The following RCOR1 variants were observed in gnomAD, a reference collection of about 807,000 sequenced individuals.
The protein encoded by RCOR1 is REST corepressor.
In RCOR1, 12 loss-of-function variants were observed where a neutral mutation model predicts 64.0. The observed-to-expected ratio is 0.19, with a 90% CI of 0.12 to 0.30. The LOEUF (loss-of-function observed/expected upper bound fraction) is 0.30, where lower values mean the gene tolerates loss of function less well. Ranked by LOEUF, RCOR1 falls within the 10% of genes least tolerant of loss-of-function variation. RCOR1 has a pLI of 1.00. For synonymous variants in RCOR1, 279 were observed against 227.2 expected (o/e 1.23, Z -2.05); for missense variants, 502 against 621.2 (o/e 0.81, Z 2.04).
intron 3 of RCOR1, among the ~76,000 whole-genome samples, chr14:102,689,884 C>T (rs1175616848): frequency 6.6e-6 from 1 of 152,114 alleles, no homozygotes; most frequent in African/African-American, 2.4e-5. Context: ...GCTGGAATTA[C>T]AGGCACCCGC....
intron 2 of RCOR1, among the ~76,000 whole-genome samples, chr14:102,607,592 G>T (rs1893539157): frequency 6.6e-6 from 1 of 151,848 alleles, no homozygotes; most frequent in African/African-American, 2.4e-5. Context: ...ACTAAAAATA[G>T]AAAAAAGCTA....
rs1567442108 is a variant in RCOR1 at position 102,706,136 on chromosome 14, A to AAAAAAAC, written c.499-1214_499-1208dup. Among the ~76,000 whole-genome samples, 111 of 148,974 alleles carry AAAAAAAC rather than the reference A, an allele frequency of 7.5e-4. 3 individuals carry two copies. The highest frequency in any genetic ancestry group is 2.7e-3 in the African/African-American group (106 of 39,828). On this transcript the variant is annotated intron_variant, in intron 4 of 11. Coordinates refer to ENST00000262241, the MANE Select transcript of RCOR1 (RefSeq NM_015156.4). Reference sequence around the variant, plus strand: ...TCTCAAAAAAAAAAAAAAAAAAAAAAAAAAAACCTAAAAAAACAGTAATTC... The same window carrying AAAAAAAC: ...TCTCAAAAAAAAAAAAAAAAAAAAAAAAAAAACAAAAAACCTAAAAAAACAGTAATTC...
chr14:102,712,391 T>C (rs561602239), intron 7 of RCOR1, among the ~76,000 whole-genome samples: 1 of 152,138 alleles, frequency 6.6e-6, no homozygotes, highest in South Asian at 2.1e-4. Context: ...GGTTTCATCA[T>C]GTTGGCCAGG....
intron 3 of RCOR1, among the ~76,000 whole-genome samples, chr14:102,683,897 G>A (rs1249112384): frequency 6.6e-6 from 1 of 152,232 alleles, no homozygotes; most frequent in African/African-American, 2.4e-5. Flanking sequence ...GGGGGCTGGG[G>A]CTGCACCCTC....
At chr14:102,723,063 G>A (rs1896193851) in intron 11 of RCOR1, among the ~76,000 whole-genome samples, 1 of 152,218 alleles carries the variant, frequency 6.6e-6, no homozygotes, top group Non-Finnish European at 1.5e-5. Flanking sequence ...GGCCTGCCTT[G>A]CTGTTACATT....
chr14:102,601,259 C>A (rs952711593), intron 2 of RCOR1, among the ~76,000 whole-genome samples: 3 of 151,954 alleles, frequency 2.0e-5, no homozygotes, highest in Non-Finnish European at 2.9e-5. Flanking sequence ...GTGATTGACC[C>A]GCCTTGGCCT....
In RCOR1 at chr14:102,632,611, A is replaced by ATCCTTTCCTT. The variant is rs201997281; in HGVS notation, c.361+39348_361+39357dup. On this transcript the variant is annotated intron_variant, in intron 2 of 11. Coordinates refer to ENST00000262241, the MANE Select transcript of RCOR1 (RefSeq NM_015156.4). ...TCAAGACTGATTTTGACTGCATGCT[A>ATCCTTTCCTT]TCCTTTCCTTTCCTTTCCTTTCCTT... Among the ~76,000 whole-genome samples, 310 of 107,962 alleles carry ATCCTTTCCTT rather than the reference A, an allele frequency of 2.9e-3. 4 individuals are homozygous for ATCCTTTCCTT. The highest frequency in any genetic ancestry group is 7.5e-3 in the African/African-American group (192 of 25,604). The allele number at this position is 107,962 out of a possible 152,430, so 70.8% of individuals were successfully genotyped here. A position where few individuals can be genotyped will look rare whatever the true frequency, so the allele number is the denominator to read the frequency against.
chr14:102,701,419 C>G (rs1388569522), intron 4 of RCOR1, 89 bp downstream of exon 4: 1 of 1,016,250 alleles, frequency 9.8e-7, no homozygotes, highest in Admixed American at 2.9e-5. Context: ...TATTGAGTAG[C>G]AGTGTTTCTT....
intron 4 of RCOR1, among the ~76,000 whole-genome samples, chr14:102,702,277 A>G (rs1055001574): frequency 1.3e-5 from 2 of 152,084 alleles, no homozygotes; most frequent in South Asian, 2.1e-4. Flanking sequence ...TGCAAAATAT[A>G]CCTGTATGAA....
At chr14:102,643,369 AG>A in intron 2 of RCOR1, 2 of 944,976 alleles carry the variant, frequency 2.1e-6, no homozygotes, top group Non-Finnish European at 2.5e-6. Context: ...AAAAACATTG[AG>A]ATTTGGAATG....
intron 2 of RCOR1, among the ~76,000 whole-genome samples, chr14:102,601,129 C>T (rs1259846217): frequency 6.6e-6 from 1 of 152,032 alleles, no homozygotes; most frequent in Non-Finnish European, 1.5e-5. Context: ...GCAAAGGTTG[C>T]AGTGAGCGTA....
rs773599590 is a variant in RCOR1 at position 102,729,613 on chromosome 14, G to A, written c.*3107G>A. The A allele has an allele frequency of 2.7e-6, 1 of 374,864 alleles. No individual in the cohort carries two copies. Among genetic ancestry groups the A allele is most frequent in the Non-Finnish European group, 4.7e-6 (1 of 211,342 alleles). The allele number at this position is 374,864 out of a possible 1,614,324, so 23.2% of individuals were successfully genotyped here. A position where few individuals can be genotyped will look rare whatever the true frequency, so the allele number is the denominator to read the frequency against. On this transcript the variant is annotated 3_prime_UTR_variant, in exon 12 of 12. Transcript: ENST00000262241. ...GTTAGTTGGGTTGTAACAGCTTACT[G>A]GGGTGGACTCATAAAACAGTGGCTT...
chr14:102,680,012 C>T (rs900897194), intron 2 of RCOR1, among the ~76,000 whole-genome samples: 1 of 152,140 alleles, frequency 6.6e-6, no homozygotes, highest in African/African-American at 2.4e-5. Context: ...GGGAAGAATG[C>T]CTTCTTAATA....
At position 102,593,165 on chromosome 14, in the gene RCOR1, C is replaced by A; in HGVS notation, c.279C>A (p.Gly93=). The A allele has an allele frequency of 1.3e-6, 2 of 1,524,108 alleles. No individual in the cohort carries two copies. Among genetic ancestry groups the A allele is most frequent in the Admixed American group, 4.4e-5 (2 of 45,186 alleles). The allele number at this position is 1,524,108 out of a possible 1,614,324, so 94.4% of individuals were successfully genotyped here. ...ACTCCTGGGAGGAAGGCAGCTCGGG[C>A]TCGTCCAGCGACGAGGAGCACGGTA... ...SSNSWEEGSS[G]SSSDEEHGGG... Residue 93 remains glycine (G), a synonymous_variant, in exon 1 of 12, where the codon GGC becomes GGA. Coordinates refer to ENST00000262241, the MANE Select transcript of RCOR1 (RefSeq NM_015156.4).
At chr14:102,629,449 C>A (rs563461097) in intron 2 of RCOR1, among the ~76,000 whole-genome samples, 16 of 151,736 alleles carry the variant, frequency 1.1e-4, no homozygotes, top group African/African-American at 3.9e-4. Context: ...GCCTCCCCCC[C>A]CCCCACCACT....
intron 2 of RCOR1, among the ~76,000 whole-genome samples, chr14:102,664,385 G>C (rs987444094): frequency 6.6e-5 from 10 of 152,178 alleles, no homozygotes; most frequent in African/African-American, 2.4e-4. Context: ...AAAGTGCTGG[G>C]ATTACAGGTA....
In RCOR1 at chr14:102,707,840, G is replaced by A. The variant is rs148138037; in HGVS notation, c.660+328G>A. Among the ~76,000 whole-genome samples the A allele has an allele frequency of 8.2e-3, 1,251 of 151,822 alleles. 13 individuals carry two copies. Among genetic ancestry groups the A allele is most frequent in the African/African-American group, 0.028 (1,160 of 41,374 alleles). On this transcript the variant is annotated intron_variant, in intron 5 of 11. Coordinates refer to ENST00000262241, the MANE Select transcript of RCOR1 (RefSeq NM_015156.4). ...AGTCTCGCTCTATCACCAGGCTGGA[G>A]TGCAGTGGCATGATCTTGGCTCACT...
chr14:102,675,729 T>A (rs1038385924), intron 2 of RCOR1, among the ~76,000 whole-genome samples: 2 of 152,142 alleles, frequency 1.3e-5, no homozygotes, highest in Non-Finnish European at 2.9e-5. Context: ...CCACCACAAT[T>A]AGGATACCAA....
chr14:102,691,432 G>GC (rs1895531471), intron 3 of RCOR1, among the ~76,000 whole-genome samples: 2 of 152,078 alleles, frequency 1.3e-5, no homozygotes, highest in Non-Finnish European at 2.9e-5. Flanking sequence ...CTGCACACGT[G>GC]CCCCCGATTC....
Sources: allele counts gnomAD v4.1 joint callset (sites outside exome capture counted in the v4.1 genomes callset), GRCh38; gene constraint gnomAD v4.1.1; transcripts MANE v1.5; gene names NCBI Gene and HGNC (gene_info 2026-07-23, HGNC 2026-07-21).